The following NPY2R variants were observed in gnomAD, a reference collection of about 807,000 sequenced individuals.
NPY2R encodes the protein neuropeptide Y receptor type 2.
A neutral mutation model predicts 22.3 loss-of-function variants in NPY2R; 17 were observed. The ratio of observed to expected loss-of-function variants is 0.76; its 90% confidence interval spans 0.52 to 1.14. The LOEUF is 1.14. Among genes scored for constraint, NPY2R ranks in the 50% most tolerant of loss-of-function variants. NPY2R has a pLI of 0.00. For synonymous variants in NPY2R, 209 were observed against 183.4 expected, an observed-to-expected ratio of 1.14 and a Z score of -1.13; for missense variants, 424 against 467.9, an observed-to-expected ratio of 0.91 and a Z score of 0.87.
the NPY2R span, among the ~76,000 whole-genome samples, chr4:155,194,200 AG>A: frequency 1.3e-5 from 2 of 151,984 alleles, no homozygotes; most frequent in Non-Finnish European, 2.9e-5. Context: ...TCTACTGTAC[AG>A]CATAGTCTTT....
At chr4:155,205,004 G>T (rs554444738), upstream of NPY2R, among the ~76,000 whole-genome samples, 4 of 152,060 alleles carry the variant, frequency 2.6e-5, no homozygotes, top group African/African-American at 7.2e-5. Context: ...TTTCACATCC[G>T]CAAACACTGT....
chr4:155,175,797 G>T, the NPY2R span, among the ~76,000 whole-genome samples: 1 of 140,244 alleles, frequency 7.1e-6, no homozygotes, highest in Non-Finnish European at 1.6e-5. Context: ...TAACAATAAA[G>T]AAAAAAGAAA....
In NPY2R at chr4:155,214,989, C is replaced by T; in HGVS notation, c.1050C>T (p.His350=). The stretch of plus-strand genomic sequence containing the variant: ...GTGAGCAGCGGTTGGATGCCATTCA[C>T]TCTGAGGTGTCCGTGACATTCAAGG... ...FRCEQRLDAI[H]SEVSVTFKAK... Residue 350 remains histidine, a synonymous_variant, in exon 2 of 2, where the codon CAC becomes CAT. Coordinates refer to ENST00000329476, the MANE Select transcript of NPY2R (RefSeq NM_000910.4). The T allele has an allele frequency of 1.2e-6, 2 of 1,614,186 alleles. No homozygotes were observed. The highest frequency in any genetic ancestry group is 1.7e-6 in the Non-Finnish European group (2 of 1,180,012).
At chr4:155,179,513 T>G in the NPY2R span, among the ~76,000 whole-genome samples, 18 of 152,320 alleles carry the variant, frequency 1.2e-4, no homozygotes, top group South Asian at 4.1e-4. Context: ...ACTTCTATGA[T>G]ATGAGCAATT....
At chr4:155,210,067 TA>T (rs1321397644) in intron 1 of NPY2R, among the ~76,000 whole-genome samples, 1 of 152,222 alleles carries the variant, frequency 6.6e-6, no homozygotes, top group Admixed American at 6.5e-5. Flanking sequence ...TTAAATGTCT[TA>T]AAGTAATGTA....
upstream of NPY2R, among the ~76,000 whole-genome samples, chr4:155,205,267 C>A (rs1242994425): frequency 6.6e-6 from 1 of 152,188 alleles, no homozygotes; most frequent in Non-Finnish European, 1.5e-5. Context: ...TTCTGTGGGA[C>A]TGCATTGTTT....
At chr4:155,205,796 G>A (rs1226201018), upstream of NPY2R, among the ~76,000 whole-genome samples, 1 of 145,998 alleles carries the variant, frequency 6.8e-6, no homozygotes, top group Non-Finnish European at 1.5e-5. Flanking sequence ...CCCATGATGA[G>A]TCAGGCTGCT....
the NPY2R span, chr4:155,174,380 G>A: frequency 1.3e-5 from 2 of 149,802 alleles, no homozygotes; most frequent in Non-Finnish European, 3.0e-5. Context: ...CAACAAAATG[G>A]GTGAGAAGAA....
chr4:155,196,330 AAAG>A, the NPY2R span, among the ~76,000 whole-genome samples: 5 of 152,110 alleles, frequency 3.3e-5, no homozygotes, highest in Admixed American at 2.6e-4. Flanking sequence ...AAAGCACCGA[AAAG>A]AAAATTCACA....
At chr4:155,200,859 T>A in the NPY2R span, among the ~76,000 whole-genome samples, 1 of 151,638 alleles carries the variant, frequency 6.6e-6, no homozygotes, top group Non-Finnish European at 1.5e-5. Context: ...GTTGGTGGTT[T>A]GGGGGTGAGG....
chr4:155,206,853 C>G (rs1729293338), upstream of NPY2R: 1 of 152,166 alleles, frequency 6.6e-6, no homozygotes, highest in African/African-American at 2.4e-5. Flanking sequence ...CATTTCTACT[C>G]TTTTAAAGTT....
chr4:155,200,245 G>GA, the NPY2R span, among the ~76,000 whole-genome samples: 1 of 151,852 alleles, frequency 6.6e-6, no homozygotes, highest in African/African-American at 2.4e-5. Context: ...AACATATGGG[G>GA]AAAAAAAGCT....
At chr4:155,174,485 T>TATATATA in the NPY2R span, among the ~76,000 whole-genome samples, 2 of 41,672 alleles carry the variant, frequency 4.8e-5, no homozygotes, top group African/African-American at 1.9e-4. Flanking sequence ...TATATATATA[T>TATATATA]TTTTTTTTTT....
the NPY2R span, among the ~76,000 whole-genome samples, chr4:155,201,717 C>A: frequency 6.6e-6 from 1 of 152,024 alleles, no homozygotes; most frequent in Non-Finnish European, 1.5e-5. Flanking sequence ...TTATTGTGTG[C>A]CCTAGATTAC....
chr4:155,178,682 A>G, the NPY2R span, among the ~76,000 whole-genome samples: 1 of 152,168 alleles, frequency 6.6e-6, no homozygotes, highest in African/African-American at 2.4e-5. Flanking sequence ...AAGCATATTA[A>G]GTGTGCGTGC....
chr4:155,199,894 C>T, the NPY2R span, among the ~76,000 whole-genome samples: 2 of 152,074 alleles, frequency 1.3e-5, no homozygotes, highest in South Asian at 4.2e-4. Flanking sequence ...AACCAAACCC[C>T]AAACCATAAA....
At chr4:155,202,151 T>A in the NPY2R span, among the ~76,000 whole-genome samples, 1 of 152,144 alleles carries the variant, frequency 6.6e-6, no homozygotes, top group Non-Finnish European at 1.5e-5. Context: ...AATGGAGAAA[T>A]ATATTTCATA....
chr4:155,178,346 A>G, the NPY2R span, among the ~76,000 whole-genome samples: 20 of 151,694 alleles, frequency 1.3e-4, no homozygotes, highest in African/African-American at 4.6e-4. Flanking sequence ...CTTGTTATCA[A>G]TTTAACTCCA....
the NPY2R span, among the ~76,000 whole-genome samples, chr4:155,187,588 G>A: frequency 1.3e-5 from 2 of 152,178 alleles, no homozygotes; most frequent in African/African-American, 4.8e-5. Flanking sequence ...CTTACACAGT[G>A]CAGTTTAATT....
Sources: allele counts gnomAD v4.1 joint callset (sites outside exome capture counted in the v4.1 genomes callset), GRCh38; gene constraint gnomAD v4.1.1; transcripts MANE v1.5; gene names NCBI Gene and HGNC (gene_info 2026-07-23, HGNC 2026-07-21).